MTUS2: variants seen among roughly 807,000 people sequenced by gnomAD.
MTUS2 encodes the protein microtubule associated scaffold protein 2.
MTUS2 carries 40 observed loss-of-function variants against 114.1 expected under a neutral mutation model. The observed-to-expected ratio is 0.35, with a 90% CI of 0.27 to 0.46. The LOEUF is 0.46. Ranked by LOEUF, MTUS2 falls within the 20% of genes least tolerant of loss-of-function variation. The pLI is 1.00. For missense variants in MTUS2, 1,679 were observed against 1,705.4 expected, an observed-to-expected ratio of 0.98 and a Z score of 0.27; for synonymous variants, 688 against 672.0, an observed-to-expected ratio of 1.02 and a Z score of -0.37.
chr13:29,276,143 A>G lies in MTUS2; in HGVS notation c.2645-5561A>G, dbSNP rs190027761. Among the ~76,000 whole-genome samples, 357 of 152,342 alleles carry G rather than the reference A, an allele frequency of 2.3e-3. 1 individual carries two copies. Among genetic ancestry groups the G allele is most frequent in the Non-Finnish European group, 3.8e-3 (261 of 68,030 alleles). ...CAGTTGATCAGCTCAGGGTGTCCAC[A>G]CACTGTGAGGAATGAACTGTAGGAA... On this transcript the variant is annotated intron_variant, in intron 5 of 15. Transcript: ENST00000612955.
Position 28,878,184 on chromosome 13 carries a change from T to G in MTUS2, c.-243+38334T>G, listed in dbSNP as rs531535551. ...AATGGCCCCAAATACTTTCAAACAT[T>G]GAGCTTTGTGGCTTAAAAAAGAATA... On this transcript the variant is annotated intron_variant, in intron 2 of 15. Transcript: ENST00000612955. Among the ~76,000 whole-genome samples, 13 of 151,724 alleles carry G rather than the reference T, an allele frequency of 8.6e-5. No individual in the cohort carries two copies. The South Asian group carries it at 2.7e-3, about 32-fold the overall frequency.
chr13:29,150,679 T>A (rs879016953), intron 5 of MTUS2, among the ~76,000 whole-genome samples: 2 of 152,166 alleles, frequency 1.3e-5, no homozygotes, highest in Admixed American at 1.3e-4. Context: ...ACATCTTACA[T>A]TTGAGTCTTT....
At chr13:29,401,072 C>T (rs1413773290) in intron 8 of MTUS2, among the ~76,000 whole-genome samples, 3 of 152,194 alleles carry the variant, frequency 2.0e-5, no homozygotes, top group African/African-American at 7.2e-5. Flanking sequence ...ACTGCAAACG[C>T]CACCTCTCAG....
chr13:29,201,453 CTT>C (rs1296676905), intron 5 of MTUS2, among the ~76,000 whole-genome samples: 2 of 151,930 alleles, frequency 1.3e-5, no homozygotes, highest in African/African-American at 4.8e-5. Flanking sequence ...AGTCTTGACT[CTT>C]TATCCAATTT....
At chr13:29,437,666 C>T (rs114883577) in intron 8 of MTUS2, among the ~76,000 whole-genome samples, 40 of 152,246 alleles carry the variant, frequency 2.6e-4, no homozygotes, top group African/African-American at 9.4e-4. Context: ...GAGCATAAGG[C>T]CAGGCACGGT....
intron 5 of MTUS2, among the ~76,000 whole-genome samples, chr13:29,124,936 G>A (rs1489446889): frequency 6.6e-6 from 1 of 152,198 alleles, no homozygotes; most frequent in Non-Finnish European, 1.5e-5. Context: ...CTAAAGAGAA[G>A]GAGGAATGGG....
intron 8 of MTUS2, among the ~76,000 whole-genome samples, chr13:29,378,707 C>T (rs942404094): frequency 1.3e-5 from 2 of 152,182 alleles, no homozygotes; most frequent in Non-Finnish European, 2.9e-5. Context: ...GAAAGGGAAT[C>T]ACAAGAGTTC....
At chr13:29,095,410 A>G (rs910791150) in intron 4 of MTUS2, among the ~76,000 whole-genome samples, 11 of 152,054 alleles carry the variant, frequency 7.2e-5, no homozygotes, top group Non-Finnish European at 1.0e-4. Context: ...ATCCCTCTTC[A>G]TTCTGGGTTG....
At chr13:28,984,575 G>C (rs150521981) in intron 2 of MTUS2, among the ~76,000 whole-genome samples, 1 of 152,174 alleles carries the variant, frequency 6.6e-6, no homozygotes, top group Admixed American at 6.5e-5. Context: ...CGATAGAGTT[G>C]TTTGGAAGCC....
rs73449311 is a variant in MTUS2 at position 29,219,728 on chromosome 13, C to G, written c.2645-61976C>G. Among the ~76,000 whole-genome samples the G allele has an allele frequency of 2.2e-4, 33 of 152,162 alleles. 1 individual carries two copies. Among genetic ancestry groups the G allele is most frequent in the Admixed American group, 1.2e-3 (19 of 15,280 alleles). ...GCTAATCATCTGGATAACTTTCTGC[C>G]GCTTTTCCATCAGTACTTGCTGCTT... is the stretch of plus-strand genomic sequence containing the variant. On this transcript the variant is annotated intron_variant, in intron 5 of 15. Coordinates refer to ENST00000612955, the MANE Select transcript of MTUS2 (RefSeq NM_001033602.4).
chr13:29,447,032 A>G (rs1462470890), intron 9 of MTUS2, among the ~76,000 whole-genome samples: 1 of 152,226 alleles, frequency 6.6e-6, no homozygotes, highest in East Asian at 1.9e-4. Context: ...CCTGATGCTC[A>G]AAAGAAATGC....
intron 7 of MTUS2, among the ~76,000 whole-genome samples, chr13:29,338,431 C>CAA (rs35869851): frequency 1.2e-4 from 18 of 150,928 alleles, no homozygotes; most frequent in South Asian, 4.2e-4. Context: ...TATTAAAATA[C>CAA]AAAAAAAAAT....
intron 8 of MTUS2, among the ~76,000 whole-genome samples, chr13:29,397,008 T>C (rs910711068): frequency 5.3e-5 from 8 of 152,340 alleles, no homozygotes; most frequent in Middle Eastern, 3.4e-3. Flanking sequence ...ACATGAATTA[T>C]TGGGGAGTTG....
chr13:29,180,304 C>A (rs1482980366), intron 5 of MTUS2, among the ~76,000 whole-genome samples: 4 of 152,114 alleles, frequency 2.6e-5, no homozygotes, highest in African/African-American at 9.7e-5. Flanking sequence ...CTCCAAAGCG[C>A]ATAAATGGGT....
intron 5 of MTUS2, among the ~76,000 whole-genome samples, chr13:29,179,916 A>G (rs1177039971): frequency 6.6e-6 from 1 of 152,208 alleles, no homozygotes; most frequent in Non-Finnish European, 1.5e-5. Context: ...AGAACTAGTA[A>G]CAGTTGTTGT....
At chr13:29,159,719 A>G (rs1415183248) in intron 5 of MTUS2, among the ~76,000 whole-genome samples, 1 of 152,224 alleles carries the variant, frequency 6.6e-6, no homozygotes, top group Non-Finnish European at 1.5e-5. Context: ...AGATGTACAG[A>G]TGGAAAATAA....
At chr13:28,833,450 A>G (rs907507632) in intron 1 of MTUS2, among the ~76,000 whole-genome samples, 52 of 152,124 alleles carry the variant, frequency 3.4e-4, no homozygotes, top group African/African-American at 1.2e-3. Flanking sequence ...AGAATAAAAT[A>G]CAGAAACCCC....
chr13:29,401,998 T>C (rs937506926), intron 8 of MTUS2, among the ~76,000 whole-genome samples: 1 of 152,230 alleles, frequency 6.6e-6, no homozygotes. Context: ...TTACCTCATT[T>C]ACTCAATACT....
chr13:29,457,547 G>A (rs1879207697), intron 9 of MTUS2, among the ~76,000 whole-genome samples: 1 of 152,050 alleles, frequency 6.6e-6, no homozygotes, highest in Admixed American at 6.6e-5. Context: ...TTCTTCTGCT[G>A]GTAGACATGT....
Sources: gnomAD v4.1 joint callset for allele counts (sites outside exome capture counted in the v4.1 genomes callset) on GRCh38, gnomAD v4.1.1 for gene constraint, MANE v1.5 for transcripts, NCBI Gene and HGNC (gene_info 2026-07-23, HGNC 2026-07-21) for gene names.